Variants in MICU2 observed in about 807,000 individuals in gnomAD.
MICU2 encodes mitochondrial calcium uptake 2.
MICU2 carries 64 observed loss-of-function variants against 60.4 expected under a neutral mutation model. The observed-to-expected ratio is 1.06, with a 90% CI of 0.87 to 1.31. The LOEUF is 1.31. Among genes scored for constraint, MICU2 ranks in the 50% most tolerant of loss-of-function variants. The pLI, the probability that MICU2 is intolerant of heterozygous loss-of-function variation, is 0.00. For synonymous variants in MICU2, 201 were observed against 175.0 expected, an observed-to-expected ratio of 1.15 and a Z score of -1.17; for missense variants, 569 against 531.0, an observed-to-expected ratio of 1.07 and a Z score of -0.70.
intron 1 of MICU2, among the ~76,000 whole-genome samples, chr13:21,572,943 C>A (rs1360214370): frequency 2.8e-5 from 4 of 143,278 alleles, no homozygotes; most frequent in African/African-American, 2.5e-5. Context: ...GTAAATAATA[C>A]AAAAAAAAAA....
intron 2 of MICU2, among the ~76,000 whole-genome samples, chr13:21,559,232 G>A (rs1334288715): frequency 6.6e-6 from 1 of 152,144 alleles, no homozygotes; most frequent in Non-Finnish European, 1.5e-5. Context: ...GATGAAAGTC[G>A]ACCATCTAAG....
intron 2 of MICU2, 115 bp from the exon 3 acceptor site, chr13:21,539,803 A>C (rs936896506): frequency 2.1e-6 from 2 of 964,576 alleles, no homozygotes; most frequent in African/African-American, 3.3e-5. Context: ...TTATTTAAAA[A>C]GCAAAGGCTT....
intron 7 of MICU2, among the ~76,000 whole-genome samples, chr13:21,511,085 G>C (rs530457097): frequency 6.6e-6 from 1 of 152,098 alleles, no homozygotes; most frequent in African/African-American, 2.4e-5. Context: ...GGGTGGAGTG[G>C]GCTGTGATCT....
At chr13:21,537,464 T>C (rs948725973) in intron 4 of MICU2, among the ~76,000 whole-genome samples, 1 of 91,826 alleles carries the variant, frequency 1.1e-5, no homozygotes, top group Non-Finnish European at 2.0e-5. Context: ...ACATTTTCTT[T>C]CTTTCTTTTT....
At chr13:21,536,622 T>A (rs1040706904) in intron 4 of MICU2, among the ~76,000 whole-genome samples, 1 of 152,196 alleles carries the variant, frequency 6.6e-6, no homozygotes, top group East Asian at 1.9e-4. Flanking sequence ...CGTGAGCTAA[T>A]GCACTCAGCC....
chr13:21,514,993 A>G (rs1465602614), intron 6 of MICU2, among the ~76,000 whole-genome samples: 1 of 152,154 alleles, frequency 6.6e-6, no homozygotes, highest in Admixed American at 6.6e-5. Context: ...GCAGCACTCT[A>G]TAAGAACTTC....
intron 4 of MICU2, chr13:21,531,143 T>C (rs1886987893): frequency 4.4e-6 from 4 of 909,666 alleles, no homozygotes; most frequent in South Asian, 1.3e-5. Flanking sequence ...TGGTTATCTA[T>C]GAAGACATGC....
At chr13:21,527,039 A>T (rs887246594) in intron 4 of MICU2, among the ~76,000 whole-genome samples, 2 of 152,238 alleles carry the variant, frequency 1.3e-5, no homozygotes, top group African/African-American at 4.8e-5. Flanking sequence ...AATGTTTTCA[A>T]TGGCTTCCTT....
At chr13:21,522,686 T>G in intron 4 of MICU2, 36 bp from the exon 5 acceptor site, 1 of 1,485,192 alleles carries the variant, frequency 6.7e-7, no homozygotes, top group Non-Finnish European at 9.2e-7. Context: ...AAATAAGCTT[T>G]AGATGGTTTA....
chr13:21,503,049 C>T lies in MICU2; in HGVS notation c.810G>A (p.Gln270=), dbSNP rs765534360. The change falls in exon 9 of 12, where the codon CAG becomes CAA. Residue 270 remains glutamine (Q), a synonymous_variant. Coordinates refer to ENST00000382374, the MANE Select transcript of MICU2 (RefSeq NM_152726.3). ...TCATGAAACTCAAACCTTTAGAAAA[C>T]TGAAGGAATTCCATTTCTTGAATCT... is the stretch of plus-strand genomic sequence containing the variant. ...QTEIQEMEFL[Q]FSKGLSFMRK... 4 of 1,604,164 alleles carry T rather than the reference C, an allele frequency of 2.5e-6. No homozygotes were observed. The highest frequency in any genetic ancestry group is 2.7e-5 in the African/African-American group (2 of 74,238).
chr13:21,531,219 G>C (rs1453929073), intron 4 of MICU2: 1 of 1,047,370 alleles, frequency 9.5e-7, no homozygotes, highest in Non-Finnish European at 1.5e-6. Context: ...TGAGATCCTA[G>C]CTCAAGAAAA....
intron 1 of MICU2, among the ~76,000 whole-genome samples, chr13:21,573,649 T>G (rs1888164354): frequency 6.6e-6 from 1 of 152,092 alleles, no homozygotes; most frequent in Non-Finnish European, 1.5e-5. Context: ...CGTTTTAGTT[T>G]CTCAGAAAAT....
intron 2 of MICU2, among the ~76,000 whole-genome samples, chr13:21,552,467 T>C (rs1316663921): frequency 1.3e-5 from 2 of 152,302 alleles, no homozygotes; most frequent in Admixed American, 6.5e-5. Context: ...GCTTCTGTTG[T>C]CATTGCTTTT....
intron 1 of MICU2, among the ~76,000 whole-genome samples, chr13:21,598,490 C>G (rs144302433): frequency 6.6e-6 from 1 of 152,030 alleles, no homozygotes; most frequent in African/African-American, 2.4e-5. Flanking sequence ...CTGAGGCGGA[C>G]GGATCACCTG....
At chr13:21,543,928 G>A (rs180881428) in intron 2 of MICU2, among the ~76,000 whole-genome samples, 4 of 152,210 alleles carry the variant, frequency 2.6e-5, no homozygotes, top group East Asian at 3.9e-4. Context: ...CTACAAAGCT[G>A]TAGTAACCAA....
rs143979813 is a variant in MICU2, at chr13:21,550,871, G to A, written c.359-11183C>T. On this transcript the variant is annotated intron_variant, in intron 2 of 11. Coordinates refer to ENST00000382374, the MANE Select transcript of MICU2 (RefSeq NM_152726.3). ...AATAGCTTATATAACTTTGCCCACAGACACAATACTACTAAGTGGTGGAGT... is the reference window on the plus strand; with the variant it reads ...AATAGCTTATATAACTTTGCCCACAAACACAATACTACTAAGTGGTGGAGT... Among the ~76,000 whole-genome samples the A allele has an allele frequency of 1.2e-4, 18 of 152,270 alleles. No homozygotes were observed. In the East Asian group the frequency reaches 1.7e-3, roughly 15 times the overall value.
chr13:21,514,941 C>T (rs1365372973), intron 6 of MICU2, among the ~76,000 whole-genome samples: 1 of 152,112 alleles, frequency 6.6e-6, no homozygotes, highest in Admixed American at 6.6e-5. Flanking sequence ...CTACAATCTT[C>T]TACTAAGAAA....
At chr13:21,533,649 A>G (rs1887061997) in intron 4 of MICU2, among the ~76,000 whole-genome samples, 1 of 152,060 alleles carries the variant, frequency 6.6e-6, no homozygotes, top group Non-Finnish European at 1.5e-5. Flanking sequence ...TAAAAATTCT[A>G]TTTGTGTTTA....
chr13:21,553,987 C>T (rs901684791), intron 2 of MICU2, among the ~76,000 whole-genome samples: 39 of 152,104 alleles, frequency 2.6e-4, no homozygotes, highest in African/African-American at 9.4e-4. Context: ...ACTAACTATC[C>T]TAAATATATA....
Sources: allele counts gnomAD v4.1 joint callset (sites outside exome capture counted in the v4.1 genomes callset), GRCh38; gene constraint gnomAD v4.1.1; transcripts MANE v1.5; gene names NCBI Gene and HGNC (gene_info 2026-07-23, HGNC 2026-07-21).